The following NTN1 variants were observed in gnomAD, a reference collection of about 807,000 sequenced individuals.
NTN1 encodes the protein netrin-1.
In NTN1, 11 loss-of-function variants were observed where a neutral mutation model predicts 54.2. That is an observed-to-expected ratio of 0.20 (90% confidence interval 0.13 to 0.34). The LOEUF (loss-of-function observed/expected upper bound fraction) is 0.34, where lower values mean the gene tolerates loss of function less well. Ranked by LOEUF, NTN1 falls within the 10% of genes least tolerant of loss-of-function variation. NTN1 has a pLI of 1.00. For missense variants in NTN1, 740 were observed against 893.1 expected (o/e 0.83, Z 2.18); for synonymous variants, 371 against 382.0 (o/e 0.97, Z 0.33).
chr17:9,157,754 T>C (rs1233725518), intron 2 of NTN1, among the ~76,000 whole-genome samples: 6 of 152,268 alleles, frequency 3.9e-5, no homozygotes, highest in African/African-American at 1.2e-4. Flanking sequence ...GCAGTGCTTC[T>C]GTCCTTGCCC....
At chr17:9,140,156 C>G (rs2092293521) in intron 2 of NTN1, among the ~76,000 whole-genome samples, 1 of 143,922 alleles carries the variant, frequency 6.9e-6, no homozygotes, top group Non-Finnish European at 1.5e-5. Context: ...TACATACACT[C>G]CTTGTTAGAT....
At chr17:9,137,662 C>T (rs565376051) in intron 2 of NTN1, among the ~76,000 whole-genome samples, 294 of 152,220 alleles carry the variant, frequency 1.9e-3, no homozygotes, top group African/African-American at 6.6e-3. Flanking sequence ...AGTGTGATGG[C>T]AGGCACCTGT....
In NTN1 at chr17:9,243,804, CAT is replaced by C. The variant is rs1906314323; in HGVS notation, c.*3838_*3839del. On this transcript the variant is annotated 3_prime_UTR_variant, in exon 7 of 7. Transcript: ENST00000173229. ...TTTGGGTCAATGTCCCTTTCCAATGCATACTAATATATTATGGTTATTATATA... is the reference window on the plus strand; with the variant it reads ...TTTGGGTCAATGTCCCTTTCCAATGCACTAATATATTATGGTTATTATATA... 6.8e-6 allele frequency: 1 copy of C among 147,400 alleles called. No homozygotes were observed. The highest frequency in any genetic ancestry group is 2.1e-4 in the South Asian group (1 of 4,752). 9.1% of individuals were successfully genotyped at this position (147,400 alleles called of 1,614,324 possible).
chr17:9,113,935 G>A (rs1317409523), intron 2 of NTN1, among the ~76,000 whole-genome samples: 3 of 151,578 alleles, frequency 2.0e-5, no homozygotes, highest in Admixed American at 6.6e-5. Flanking sequence ...GGCCGAGGTG[G>A]GCGGATCACT....
intron 5 of NTN1, among the ~76,000 whole-genome samples, chr17:9,199,476 A>G (rs1904725410): frequency 6.6e-6 from 1 of 152,246 alleles, no homozygotes; most frequent in African/African-American, 2.4e-5. Context: ...AGTCCATCAC[A>G]GCCCTGGATG....
chr17:9,080,198 C>T (rs2092066190), intron 2 of NTN1, among the ~76,000 whole-genome samples: 1 of 152,234 alleles, frequency 6.6e-6, no homozygotes, highest in Non-Finnish European at 1.5e-5. Context: ...TGACCAATGA[C>T]CTTCGTAGCT....
Position 9,022,346 on chromosome 17 carries a change from G to C in NTN1, c.-28G>C. On this transcript the variant is annotated 5_prime_UTR_variant, in exon 2 of 7. Coordinates refer to ENST00000173229, the MANE Select transcript of NTN1 (RefSeq NM_004822.3). ...CGGCAGGCGGACAGATCCTCGGCGC[G>C]GCAGGGCCGGGGCAAGCTGGACGCA... 2 of 1,274,272 alleles carry C rather than the reference G, an allele frequency of 1.6e-6. No homozygotes were observed. The highest frequency in any genetic ancestry group is 2.0e-6 in the Non-Finnish European group (2 of 1,015,974). 78.9% of individuals were successfully genotyped at this position (1,274,272 alleles called of 1,614,324 possible).
Position 9,239,473 on chromosome 17 carries a change from G to C in NTN1, c.1487-167G>C, listed in dbSNP as rs1471884070. ...AGGCTTCTTGGCCCTGTTGTTAGCA[G>C]GTGGGGGTCTACGATCAGCTTGCCA... On this transcript the variant is annotated intron_variant, in intron 6 of 6. Coordinates refer to ENST00000173229, the MANE Select transcript of NTN1 (RefSeq NM_004822.3). This position sits in a 1 kb window ranked among gnomAD's most constrained non-coding sequence, Gnocchi z 5.2. 6.6e-6 allele frequency among the ~76,000 whole-genome samples: 1 copy of C among 152,192 alleles called. No individual in the cohort carries two copies. The highest frequency in any genetic ancestry group is 1.5e-5 in the Non-Finnish European group (1 of 68,026).
At chr17:9,003,893 C>T in the NTN1 span, among the ~76,000 whole-genome samples, 1 of 152,176 alleles carries the variant, frequency 6.6e-6, no homozygotes, top group Admixed American at 6.5e-5. The surrounding 1 kb of genome is among the most constrained non-coding windows in gnomAD (Gnocchi z 7.4). Context: ...CCGCCGCGCC[C>T]GCCGGCTCCT....
At chr17:9,137,118 A>AAG (rs2142276135) in intron 2 of NTN1, among the ~76,000 whole-genome samples, 1 of 151,934 alleles carries the variant, frequency 6.6e-6, no homozygotes, top group East Asian at 1.9e-4. Context: ...GGCTCAAATG[A>AAG]CCCCTCCTCC....
At chr17:9,011,591 TG>T in the NTN1 span, among the ~76,000 whole-genome samples, 3 of 152,044 alleles carry the variant, frequency 2.0e-5, no homozygotes, top group African/African-American at 4.8e-5. Context: ...GGATATCTTT[TG>T]GGGGGGCATT....
chr17:9,029,408 A>C (rs1300873969), intron 2 of NTN1, among the ~76,000 whole-genome samples: 1 of 152,208 alleles, frequency 6.6e-6, no homozygotes. Context: ...ACACTGTTGC[A>C]TGCAGAGAGA....
At chr17:9,105,615 C>A (rs2092163223) in intron 2 of NTN1, among the ~76,000 whole-genome samples, 1 of 152,074 alleles carries the variant, frequency 6.6e-6, no homozygotes. Flanking sequence ...GGATTTTCTC[C>A]TAAAAGATGT....
At chr17:9,114,164 A>ATATATATATATATATATATATATAT (rs1404097905) in intron 2 of NTN1, among the ~76,000 whole-genome samples, 7 of 80,488 alleles carry the variant, frequency 8.7e-5, no homozygotes, top group South Asian at 3.9e-4. Context: ...AAAAAAAAAA[A>ATATATATATATATATATATATATAT]AAATATATAT....
intron 2 of NTN1, among the ~76,000 whole-genome samples, chr17:9,138,142 T>G (rs1199563017): frequency 6.6e-6 from 1 of 152,214 alleles, no homozygotes; most frequent in Non-Finnish European, 1.5e-5. Context: ...ACTTTTAAGT[T>G]GTCTTCAGAA....
chr17:9,006,576 C>G, the NTN1 span, among the ~76,000 whole-genome samples: 2 of 152,136 alleles, frequency 1.3e-5, no homozygotes, highest in African/African-American at 4.8e-5. Flanking sequence ...AGGACATCAT[C>G]CACATTCTAG....
intron 2 of NTN1, among the ~76,000 whole-genome samples, chr17:9,068,797 C>G (rs563759422): frequency 6.6e-6 from 1 of 152,046 alleles, no homozygotes; most frequent in African/African-American, 2.4e-5. Context: ...CATAAGCCAC[C>G]GCGCCTGGCC....
rs904247979 is a variant in NTN1, at chr17:9,243,509, T to A, written c.*3541T>A. The A allele has an allele frequency of 2.0e-5, 3 of 152,102 alleles. No homozygotes were observed. Among genetic ancestry groups the A allele is most frequent in the African/African-American group, 7.2e-5 (3 of 41,388 alleles). The allele number at this position is 152,102 out of a possible 1,614,324, so 9.4% of individuals were successfully genotyped here. A position where few individuals can be genotyped will look rare whatever the true frequency, so the allele number is the denominator to read the frequency against. On this transcript the variant is annotated 3_prime_UTR_variant, in exon 7 of 7. Transcript: ENST00000173229. ...AAGGAAGTCCCCTTGAAGCCCAGAG[T>A]GGACAGACTAGACCCATTGATGGGG...
intron 3 of NTN1, among the ~76,000 whole-genome samples, chr17:9,169,094 A>G (rs531012280): frequency 6.6e-6 from 1 of 152,316 alleles, no homozygotes; most frequent in African/African-American, 2.4e-5. Flanking sequence ...CATGAGCATC[A>G]CAAACCTTAC....
Sources: allele counts gnomAD v4.1 joint callset (sites outside exome capture counted in the v4.1 genomes callset), GRCh38; gene constraint gnomAD v4.1.1; non-coding constraint Gnocchi (gnomAD v3.1); transcripts MANE v1.5; gene names NCBI Gene and HGNC (gene_info 2026-07-23, HGNC 2026-07-21).